PTP4A3: variants seen among roughly 807,000 people sequenced by gnomAD.
PTP4A3 encodes protein tyrosine phosphatase type IVA 3.
PTP4A3 carries 9 observed loss-of-function variants against 15.2 expected under a neutral mutation model. The observed-to-expected ratio is 0.59, with a 90% CI of 0.36 to 1.03. The LOEUF (loss-of-function observed/expected upper bound fraction) is 1.03. Ranked by LOEUF, PTP4A3 falls within the 50% of genes least tolerant of loss-of-function variation. The pLI is 0.02. For synonymous variants in PTP4A3, 95 were observed against 102.0 expected (o/e 0.93, Z 0.41); for missense variants, 234 against 252.1 (o/e 0.93, Z 0.49).
chr8:141,408,572 C>G (rs112275961), intron 1 of PTP4A3, among the ~76,000 whole-genome samples: 1 of 149,976 alleles, frequency 6.7e-6, no homozygotes, highest in Non-Finnish European at 1.5e-5. Context: ...GAGCTGAGGT[C>G]GTGCCACTGC....
chr8:141,415,379 C>T (rs1167120265), intron 1 of PTP4A3, among the ~76,000 whole-genome samples: 1 of 151,724 alleles, frequency 6.6e-6, no homozygotes, highest in Non-Finnish European at 1.5e-5. Flanking sequence ...CGCTCGCTCC[C>T]GCTGTTACAG....
chr8:141,396,932 G>T (rs1455676483), intron 1 of PTP4A3, among the ~76,000 whole-genome samples: 1 of 152,142 alleles, frequency 6.6e-6, no homozygotes, highest in Middle Eastern at 3.2e-3. Context: ...TGTGCTCTCT[G>T]GGACCTGCCC....
In PTP4A3 at chr8:141,431,127, C is replaced by G; in HGVS notation, c.*83C>G. 7.5e-7 allele frequency: 1 copy of G among 1,336,482 alleles called. No individual in the cohort carries two copies. Among genetic ancestry groups the G allele is most frequent in the South Asian group, 1.2e-5 (1 of 83,266 alleles). 82.8% of individuals were successfully genotyped at this position (1,336,482 alleles called of 1,614,324 possible). On this transcript the variant is annotated 3_prime_UTR_variant, in exon 6 of 6. Coordinates refer to ENST00000521578, the MANE Select transcript of PTP4A3 (RefSeq NM_032611.3). ...AGGCCCTGCCCAGCCCTGCTCTGCC[C>G]AGCCCAGCAGGGGCTCCAGGCCTTG...
rs1833610020 is a variant in PTP4A3 at position 141,427,078 on chromosome 8, CG to C, written c.329+13del. 1.9e-6 allele frequency: 3 copies of C among 1,596,466 alleles called. No homozygotes were observed. Among genetic ancestry groups the C allele is most frequent in the Non-Finnish European group, 1.7e-6 (2 of 1,178,720 alleles). ...GTGGCGGGCCTGGGCCGGTGAGTGTCGGGGCGGGGTAGGGCTCGCCATGTCA... is the reference window on the plus strand; with the variant it reads ...GTGGCGGGCCTGGGCCGGTGAGTGTCGGGCGGGGTAGGGCTCGCCATGTCA... On this transcript the variant is annotated intron_variant, in intron 4 of 5. Transcript: ENST00000521578.
chr8:141,400,469 T>A (rs1832563626), intron 1 of PTP4A3, among the ~76,000 whole-genome samples: 1 of 152,250 alleles, frequency 6.6e-6, no homozygotes, highest in East Asian at 1.9e-4. Flanking sequence ...ACTTGAAATT[T>A]CCCTGGGTGT....
chr8:141,392,993 G>A (rs1586528647), intron 1 of PTP4A3, among the ~76,000 whole-genome samples: 4 of 152,292 alleles, frequency 2.6e-5, no homozygotes, highest in African/African-American at 9.6e-5. Context: ...GGTGGGTGTT[G>A]GGCATCCACC....
intron 1 of PTP4A3, among the ~76,000 whole-genome samples, chr8:141,412,129 G>A (rs1187095696): frequency 1.3e-5 from 2 of 152,232 alleles, no homozygotes; most frequent in Non-Finnish European, 1.5e-5. Flanking sequence ...ATGGGTATAT[G>A]GGGGTGCTGC....
rs1057317813 is a variant in PTP4A3, at chr8:141,406,705, C to T, written c.-854+14621C>T. Among the ~76,000 whole-genome samples the T allele has an allele frequency of 6.6e-6, 1 of 152,158 alleles. No individual in the cohort carries two copies. The highest frequency in any genetic ancestry group is 1.5e-5 in the Non-Finnish European group (1 of 68,018). ...TGGCACAGAAGATGGCGAGTGGTGA[C>T]GGCTGTGTTGCCTGCATGCCACCGA... On this transcript the variant is annotated intron_variant, in intron 1 of 5. Coordinates refer to ENST00000521578, the MANE Select transcript of PTP4A3 (RefSeq NM_032611.3). The surrounding 1 kb of genome is among the most constrained non-coding windows in gnomAD (Gnocchi z 4.5).
At chr8:141,417,668 C>T (rs1227034589) in intron 1 of PTP4A3, among the ~76,000 whole-genome samples, 1 of 151,922 alleles carries the variant, frequency 6.6e-6, no homozygotes, top group African/African-American at 2.4e-5. Context: ...GGCCGGCCGG[C>T]GGGAGGAAGG....
intron 1 of PTP4A3, among the ~76,000 whole-genome samples, chr8:141,400,626 G>A (rs1271039563): frequency 2.0e-5 from 3 of 152,220 alleles, no homozygotes; most frequent in Admixed American, 6.5e-5. Flanking sequence ...TCTCGGCACC[G>A]GGGTGAGTCT....
intron 1 of PTP4A3, among the ~76,000 whole-genome samples, chr8:141,415,107 G>A (rs1046141457): frequency 3.9e-5 from 6 of 152,144 alleles, no homozygotes; most frequent in Non-Finnish European, 7.4e-5. Context: ...GATGAAGTGA[G>A]GGCCTGCTGA....
chr8:141,396,313 G>A (rs1351402509), intron 1 of PTP4A3, among the ~76,000 whole-genome samples: 1 of 152,240 alleles, frequency 6.6e-6, no homozygotes, highest in African/African-American at 2.4e-5. Context: ...CCCTAGGGGA[G>A]AAGTGACGTG....
intron 1 of PTP4A3, among the ~76,000 whole-genome samples, chr8:141,420,800 C>A (rs1034764468): frequency 4.6e-5 from 7 of 152,316 alleles, no homozygotes; most frequent in Non-Finnish European, 8.8e-5. Context: ...AAGCAAGAGG[C>A]GATTAGGGTG....
intron 1 of PTP4A3, among the ~76,000 whole-genome samples, chr8:141,395,931 C>A (rs1832440444): frequency 6.6e-6 from 1 of 152,202 alleles, no homozygotes; most frequent in Admixed American, 6.5e-5. Flanking sequence ...ACAGTCATTG[C>A]TGTTGCCTGC....
chr8:141,398,686 G>C (rs1832510160), intron 1 of PTP4A3, among the ~76,000 whole-genome samples: 1 of 152,102 alleles, frequency 6.6e-6, no homozygotes, highest in African/African-American at 2.4e-5. Flanking sequence ...TCAGGGCCTG[G>C]CTGGGGAGAC....
At chr8:141,403,282 C>T (rs188916893) in intron 1 of PTP4A3, among the ~76,000 whole-genome samples, 2 of 152,300 alleles carry the variant, frequency 1.3e-5, no homozygotes, top group East Asian at 1.9e-4. Context: ...CCGTGTGTGC[C>T]GTGGCACTGC....
intron 1 of PTP4A3, among the ~76,000 whole-genome samples, chr8:141,416,135 G>A (rs528410502): frequency 6.6e-6 from 1 of 152,304 alleles, no homozygotes; most frequent in African/African-American, 2.4e-5. Flanking sequence ...CGCCAGAGGC[G>A]ACGGGCTCTG....
chr8:141,425,137 T>C lies in PTP4A3; in HGVS notation c.195T>C (p.Val65=). The change falls in exon 3 of 6, where the codon GTT becomes GTC. Residue 65 remains valine (V), a synonymous_variant. Coordinates refer to ENST00000521578, the MANE Select transcript of PTP4A3 (RefSeq NM_032611.3). This position sits in a 1 kb window ranked among gnomAD's most constrained non-coding sequence, Gnocchi z 4.2. ...CGCTGGAGAAGGATGGCATCACCGT[T>C]GTGGTGAGGCGCGCGCCACGGGGAC... ...KTPLEKDGIT[V]VDWPFDDGAP... is the part of the protein sequence containing the mutation. 1.4e-6 allele frequency: 2 copies of C among 1,396,136 alleles called. No homozygotes were observed. Among genetic ancestry groups the C allele is most frequent in the East Asian group, 8.1e-5 (2 of 24,596 alleles). 86.5% of individuals were successfully genotyped at this position (1,396,136 alleles called of 1,614,324 possible). A position where few individuals can be genotyped will look rare whatever the true frequency, so the allele number is the denominator to read the frequency against.
rs914240512 is a variant in PTP4A3, at chr8:141,427,880, C to G, written c.404+56C>G. On this transcript the variant is annotated intron_variant, in intron 5 of 5. Coordinates refer to ENST00000521578, the MANE Select transcript of PTP4A3 (RefSeq NM_032611.3). Reference sequence around the variant, plus strand: ...GAGCGCTGGGGGAGGGGAGATCCGGCTGCCCACGAAGGGTGGCGGCATTGG... The same window carrying G: ...GAGCGCTGGGGGAGGGGAGATCCGGGTGCCCACGAAGGGTGGCGGCATTGG... 15 of 1,484,086 alleles carry G rather than the reference C, an allele frequency of 1.0e-5. No individual in the cohort carries two copies. The African/African-American group carries it at 1.7e-4, about 17-fold the overall frequency. 91.9% of individuals were successfully genotyped at this position (1,484,086 alleles called of 1,614,324 possible).
Sources: allele counts gnomAD v4.1 joint callset (sites outside exome capture counted in the v4.1 genomes callset), GRCh38; gene constraint gnomAD v4.1.1; non-coding constraint Gnocchi (gnomAD v3.1); transcripts MANE v1.5; gene names NCBI Gene and HGNC (gene_info 2026-07-23, HGNC 2026-07-21).